NFATC2: variants seen among roughly 807,000 people sequenced by gnomAD.
NFATC2 encodes the protein nuclear factor of activated T cells 2.
Under a neutral mutation model 87.3 loss-of-function variants are expected in NFATC2, and 22 were observed. The observed-to-expected ratio is 0.25, with a 90% CI of 0.18 to 0.36. The LOEUF (loss-of-function observed/expected upper bound fraction) is 0.36. Among genes scored for constraint, NFATC2 ranks in the 10% least tolerant of loss-of-function variants. The pLI is 1.00. For missense variants in NFATC2, 1,149 were observed against 1,259.1 expected (o/e 0.91, Z 1.32); for synonymous variants, 565 against 542.2 (o/e 1.04, Z -0.58).
At chr20:51,458,119 T>C (rs1299728207) in intron 5 of NFATC2, among the ~76,000 whole-genome samples, 5 of 152,142 alleles carry the variant, frequency 3.3e-5, no homozygotes, top group Non-Finnish European at 5.9e-5. Flanking sequence ...TCAAGCGATC[T>C]GCCTGCCTCG....
chr20:51,410,762 G>A (rs991494147), intron 9 of NFATC2, among the ~76,000 whole-genome samples: 4 of 152,216 alleles, frequency 2.6e-5, no homozygotes, highest in Non-Finnish European at 5.9e-5. Context: ...TAGGGCAGGA[G>A]AGTGTCACCT....
At position 51,511,839 on chromosome 20, in the gene NFATC2, T is replaced by A. The variant is rs375953880; in HGVS notation, c.1332+4945A>T. ...TGATCTATAAAATGTTAAATCAGAA[T>A]CAAGTTCCTCCTCTACTCAAAACGT... On this transcript the variant is annotated intron_variant, in intron 3 of 10. Transcript: ENST00000371564. 2.4e-4 allele frequency among the ~76,000 whole-genome samples: 36 copies of A among 152,312 alleles called. No homozygotes were observed. In the East Asian group the frequency reaches 6.0e-3, roughly 25 times the overall value.
At chr20:51,394,213 G>T (rs1568918825) in intron 10 of NFATC2, among the ~76,000 whole-genome samples, 1 of 152,084 alleles carries the variant, frequency 6.6e-6, no homozygotes, top group Non-Finnish European at 1.5e-5. Flanking sequence ...ATGCCGGCTA[G>T]GTGGTGGTGA....
intron 3 of NFATC2, among the ~76,000 whole-genome samples, chr20:51,515,057 C>T (rs1438224832): frequency 2.0e-5 from 3 of 152,148 alleles, no homozygotes; most frequent in South Asian, 4.1e-4. Flanking sequence ...ACAGTGGTCC[C>T]GCTGTGCTGA....
chr20:51,391,241 C>A lies in NFATC2; in HGVS notation c.*255G>T. ...CTCTCTGGTGTTTAGAGGGAGGTGG[C>A]GAGCTCCTTAAGTGAGAGTCCGCTT... On this transcript the variant is annotated 3_prime_UTR_variant, in exon 11 of 11. Coordinates refer to ENST00000371564, the MANE Select transcript of NFATC2 (RefSeq NM_012340.5). 1.3e-6 allele frequency: 1 copy of A among 785,142 alleles called. No individual in the cohort carries two copies. The allele number at this position is 785,142 out of a possible 1,614,324, so 48.6% of individuals were successfully genotyped here. A position where few individuals can be genotyped will look rare whatever the true frequency, so the allele number is the denominator to read the frequency against.
At chr20:51,391,507 C>A in intron 10 of NFATC2, 56 bp from the exon 11 acceptor site, 3 of 1,549,222 alleles carry the variant, frequency 1.9e-6, no homozygotes, top group South Asian at 1.1e-5. Context: ...GAGAGGGCAC[C>A]GAAAACATGC....
chr20:51,468,850 T>C (rs1987940160), intron 5 of NFATC2, among the ~76,000 whole-genome samples: 1 of 152,102 alleles, frequency 6.6e-6, no homozygotes, highest in African/African-American at 2.4e-5. Flanking sequence ...ACAGGGGCCT[T>C]GGATGAGGAG....
At chr20:51,507,403 A>C (rs2076202421) in intron 3 of NFATC2, among the ~76,000 whole-genome samples, 2 of 152,296 alleles carry the variant, frequency 1.3e-5, no homozygotes, top group Middle Eastern at 3.4e-3. Flanking sequence ...TGGTTAATTC[A>C]ACCAGAAAAA....
chr20:51,544,279 G>A (rs751557260), upstream of NFATC2, among the ~76,000 whole-genome samples: 24 of 151,958 alleles, frequency 1.6e-4, no homozygotes, highest in Non-Finnish European at 2.5e-4. Flanking sequence ...GAGCCACCAC[G>A]CCCGGCCTGA....
At chr20:51,429,477 C>T (rs1230883396) in intron 9 of NFATC2, among the ~76,000 whole-genome samples, 1 of 152,228 alleles carries the variant, frequency 6.6e-6, no homozygotes, top group East Asian at 1.9e-4. Flanking sequence ...GGGGACAGGG[C>T]AGTGCTGCGC....
intron 3 of NFATC2, among the ~76,000 whole-genome samples, chr20:51,487,951 G>A (rs974395775): frequency 9.2e-5 from 14 of 152,154 alleles, no homozygotes; most frequent in Non-Finnish European, 1.8e-4. Context: ...ACGGCGAGAC[G>A]GCGCTGAGAC....
At chr20:51,431,740 G>A (rs766013705) in intron 9 of NFATC2, among the ~76,000 whole-genome samples, 1 of 152,046 alleles carries the variant, frequency 6.6e-6, no homozygotes, top group Non-Finnish European at 1.5e-5. Context: ...TCTGGCAATT[G>A]GAAAGAGTGT....
At chr20:51,536,102 C>T (rs998806853) in intron 1 of NFATC2, among the ~76,000 whole-genome samples, 5 of 152,216 alleles carry the variant, frequency 3.3e-5, no homozygotes, top group African/African-American at 1.2e-4. Context: ...TAGCAGAGCT[C>T]CCTGTCATTT....
intron 5 of NFATC2, among the ~76,000 whole-genome samples, chr20:51,461,067 C>G (rs1476265123): frequency 1.3e-5 from 2 of 152,188 alleles, no homozygotes; most frequent in Non-Finnish European, 2.9e-5. Context: ...CCTCAGAGAA[C>G]CCAGAGGCAA....
intron 6 of NFATC2, 26 bp downstream of exon 6, chr20:51,454,522 G>A (rs1249109613): frequency 3.7e-6 from 6 of 1,612,894 alleles, no homozygotes; most frequent in South Asian, 2.2e-5. Context: ...CTGGGGGACA[G>A]AGAAAGAGCT....
At chr20:51,554,665 A>C (rs1405494073) in intron 1 of NFATC2, among the ~76,000 whole-genome samples, 1 of 152,208 alleles carries the variant, frequency 6.6e-6, no homozygotes, top group Non-Finnish European at 1.5e-5. Context: ...AGTTAAGGAA[A>C]TGAGGGCGTG....
intron 9 of NFATC2, among the ~76,000 whole-genome samples, chr20:51,431,453 G>A (rs190677662): frequency 8.4e-4 from 128 of 152,166 alleles, no homozygotes; most frequent in Non-Finnish European, 1.7e-3. Context: ...CTTTTCCTTG[G>A]CCCAAACCAC....
At chr20:51,405,451 C>T (rs1271073871) in intron 9 of NFATC2, among the ~76,000 whole-genome samples, 1 of 152,200 alleles carries the variant, frequency 6.6e-6, no homozygotes, top group African/African-American at 2.4e-5. Context: ...CACCGTGCCT[C>T]ACCAGCAGGT....
intron 5 of NFATC2, 96 bp downstream of exon 5, chr20:51,473,884 C>T: frequency 7.3e-7 from 1 of 1,365,582 alleles, no homozygotes; most frequent in Non-Finnish European, 1.0e-6. Context: ...TCCCGCAGGC[C>T]ACCCCGGGTA....
Sources: allele counts gnomAD v4.1 joint callset (sites outside exome capture counted in the v4.1 genomes callset), GRCh38; gene constraint gnomAD v4.1.1; transcripts MANE v1.5; gene names NCBI Gene and HGNC (gene_info 2026-07-23, HGNC 2026-07-21).